The following SPOPL variants were observed in gnomAD, a reference collection of about 807,000 sequenced individuals.
SPOPL encodes speckle type BTB/POZ protein like.
SPOPL carries 23 observed loss-of-function variants against 53.8 expected under a neutral mutation model. The ratio of observed to expected loss-of-function variants is 0.43; its 90% CI spans 0.31 to 0.61. SPOPL has a LOEUF of 0.61. Among genes scored for constraint, SPOPL ranks in the 20% least tolerant of loss-of-function variants. The pLI, the probability that SPOPL is intolerant of heterozygous loss-of-function variation, is 0.12. For synonymous variants in SPOPL, 164 were observed against 149.7 expected (o/e 1.10, Z -0.70); for missense variants, 442 against 466.9 (o/e 0.95, Z 0.49).
chr2:138,552,402 T>G (rs1024198518), intron 4 of SPOPL, 152 bp from the exon 5 acceptor site: 2 of 986,524 alleles, frequency 2.0e-6, no homozygotes, highest in Non-Finnish European at 2.8e-6. Flanking sequence ...AAAACTCTTA[T>G]GACATTTGAT....
intron 5 of SPOPL, among the ~76,000 whole-genome samples, chr2:138,554,926 G>T (rs890753472): frequency 6.6e-6 from 1 of 151,998 alleles, no homozygotes; most frequent in African/African-American, 2.4e-5. Context: ...ATTTCGTGTT[G>T]CCATTAACAG....
chr2:138,548,082 A>G (rs1375798663), intron 1 of SPOPL, among the ~76,000 whole-genome samples: 1 of 152,116 alleles, frequency 6.6e-6, no homozygotes, highest in Non-Finnish European at 1.5e-5. Flanking sequence ...TATAAAATTG[A>G]TCTATAGCAA....
rs115829576 is a variant in SPOPL, at chr2:138,518,360, C to T, written c.-61+16241C>T. Reference sequence around the variant, plus strand: ...AGATCCAGAATTTGCAATAACTGTGCAGGAACTACCCTAAGTATAGACCTT... The same window carrying T: ...AGATCCAGAATTTGCAATAACTGTGTAGGAACTACCCTAAGTATAGACCTT... On this transcript the variant is annotated intron_variant, in intron 1 of 10. Transcript: ENST00000280098. 8.5e-4 allele frequency among the ~76,000 whole-genome samples: 130 copies of T among 152,228 alleles called. 1 individual carries two copies. In the Middle Eastern group the frequency reaches 0.014, roughly 16 times the overall value.
intron 10 of SPOPL, among the ~76,000 whole-genome samples, chr2:138,565,735 A>ATTT (rs1191604759): frequency 7.0e-6 from 1 of 142,970 alleles, no homozygotes; most frequent in South Asian, 2.2e-4. Context: ...GAAAGTGGGA[A>ATTT]TTTTTTTTTT....
intron 5 of SPOPL, among the ~76,000 whole-genome samples, chr2:138,557,786 T>C (rs1291768496): frequency 6.6e-6 from 1 of 152,226 alleles, no homozygotes; most frequent in Non-Finnish European, 1.5e-5. Flanking sequence ...TAAAGTAGTA[T>C]TTTCTTTAAG....
intron 1 of SPOPL, among the ~76,000 whole-genome samples, chr2:138,547,762 A>G (rs140987732): frequency 2.2e-3 from 342 of 152,318 alleles, no homozygotes; most frequent in African/African-American, 7.3e-3. Flanking sequence ...CTGAAATGCC[A>G]AAGTGCAACT....
chr2:138,524,029 C>T (rs1192958919), intron 1 of SPOPL, among the ~76,000 whole-genome samples: 1 of 152,214 alleles, frequency 6.6e-6, no homozygotes, highest in East Asian at 1.9e-4. Flanking sequence ...CCTCACTGCC[C>T]TAGCAGAGGT....
intron 1 of SPOPL, among the ~76,000 whole-genome samples, chr2:138,517,992 G>T (rs1400416347): frequency 6.9e-6 from 1 of 145,578 alleles, no homozygotes; most frequent in Non-Finnish European, 1.5e-5. Context: ...AGGTGGCAGT[G>T]AGCCAAGATT....
intron 1 of SPOPL, among the ~76,000 whole-genome samples, chr2:138,510,489 G>A (rs1003981211): frequency 6.6e-6 from 1 of 152,126 alleles, no homozygotes; most frequent in African/African-American, 2.4e-5. Flanking sequence ...CTACCTGCTG[G>A]ATCGGCCCAT....
chr2:138,548,358 G>A (rs1685243210), intron 1 of SPOPL, among the ~76,000 whole-genome samples: 2 of 149,492 alleles, frequency 1.3e-5, no homozygotes, highest in Non-Finnish European at 1.5e-5. Context: ...ACATATAAAT[G>A]CTTTCATGGA....
intron 1 of SPOPL, among the ~76,000 whole-genome samples, chr2:138,505,413 A>T (rs995923358): frequency 6.6e-6 from 1 of 151,930 alleles, no homozygotes; most frequent in Non-Finnish European, 1.5e-5. Flanking sequence ...ATGGAAAGAG[A>T]TTACTTGTAT....
At chr2:138,547,221 C>T (rs886114218) in intron 1 of SPOPL, among the ~76,000 whole-genome samples, 1 of 152,196 alleles carries the variant, frequency 6.6e-6, no homozygotes, top group Non-Finnish European at 1.5e-5. Context: ...TTGCCTCAGC[C>T]TCCCAAAGTG....
In SPOPL at chr2:138,569,331, A is replaced by AT. The variant is rs539504937; in HGVS notation, c.*260dup. On this transcript the variant is annotated 3_prime_UTR_variant, in exon 11 of 11. Transcript: ENST00000280098. ...CTTGTCTTGTTCATATAATACTTTA[A>AT]TTTTTTTTTATTGTGCCTTGTCATT... 1.8e-3 allele frequency: 616 copies of AT among 344,374 alleles called. No homozygotes were observed. Among genetic ancestry groups the AT allele is most frequent in the East Asian group, 2.4e-3 (49 of 20,186 alleles). The allele number at this position is 344,374 out of a possible 1,614,324, so 21.3% of individuals were successfully genotyped here. A position where few individuals can be genotyped will look rare whatever the true frequency, so the allele number is the denominator to read the frequency against.
At position 138,572,997 on chromosome 2, in the gene SPOPL, TA is replaced by T. The variant is rs1198217221; in HGVS notation, c.*3918del. 2 of 152,280 alleles carry T rather than the reference TA, an allele frequency of 1.3e-5. No individual in the cohort carries two copies. The highest frequency in any genetic ancestry group is 2.4e-5 in the African/African-American group (1 of 41,442). 9.4% of individuals were successfully genotyped at this position (152,280 alleles called of 1,614,324 possible). ...AGTTTTAAAAAATGAAGATGTAACT[TA>T]CCTGAGTCTCATTTTTGAAAATGAA... On this transcript the variant is annotated 3_prime_UTR_variant, in exon 11 of 11. Coordinates refer to ENST00000280098, the MANE Select transcript of SPOPL (RefSeq NM_001001664.3).
chr2:138,537,226 G>A lies in SPOPL; in HGVS notation c.-60-12931G>A, dbSNP rs562897678. Among the ~76,000 whole-genome samples, 208 of 152,148 alleles carry A rather than the reference G, an allele frequency of 1.4e-3. 1 individual carries two copies. The highest frequency in any genetic ancestry group is 8.5e-4 in the Non-Finnish European group (58 of 68,036). On this transcript the variant is annotated intron_variant, in intron 1 of 10. Transcript: ENST00000280098. Reference sequence around the variant, plus strand: ...AGGAAAGGACTTTATTCGGCTGGGAGCATCGGCAGACTTACATCTCAAACA... The same window carrying A: ...AGGAAAGGACTTTATTCGGCTGGGAACATCGGCAGACTTACATCTCAAACA...
At chr2:138,508,264 G>C (rs1236313272) in intron 1 of SPOPL, among the ~76,000 whole-genome samples, 1 of 152,174 alleles carries the variant, frequency 6.6e-6, no homozygotes, top group Admixed American at 6.5e-5. Context: ...ATTGGCAAGG[G>C]CAGGGTCTCA....
At chr2:138,531,669 C>T (rs1684812439) in intron 1 of SPOPL, among the ~76,000 whole-genome samples, 1 of 152,062 alleles carries the variant, frequency 6.6e-6, no homozygotes, top group South Asian at 2.1e-4. Flanking sequence ...CTAGTCTTAC[C>T]TTTTGCTGTT....
chr2:138,516,752 G>A (rs1684446495), intron 1 of SPOPL, among the ~76,000 whole-genome samples: 1 of 152,234 alleles, frequency 6.6e-6, no homozygotes, highest in Non-Finnish European at 1.5e-5. Flanking sequence ...AAGAAGGCTG[G>A]AAAAGTGGTC....
Position 138,517,256 on chromosome 2 carries a change from T to C in SPOPL, c.-61+15137T>C, listed in dbSNP as rs190002951. Among the ~76,000 whole-genome samples the C allele has an allele frequency of 7.2e-5, 11 of 152,292 alleles. No homozygotes were observed. The East Asian group carries it at 1.9e-3, about 27-fold the overall frequency. On this transcript the variant is annotated intron_variant, in intron 1 of 10. Transcript: ENST00000280098. ...ATGTTAGAGAGAATATTCTTGATTT[T>C]TAGAGGTTGGCAGGAGTATTGTGGA...
Sources: gnomAD v4.1 joint callset for allele counts (sites outside exome capture counted in the v4.1 genomes callset) on GRCh38, gnomAD v4.1.1 for gene constraint, MANE v1.5 for transcripts, NCBI Gene and HGNC (gene_info 2026-07-23, HGNC 2026-07-21) for gene names.